The following UNC5B variants were observed in gnomAD, a reference collection of about 807,000 sequenced individuals.
The protein encoded by UNC5B is unc-5 netrin receptor B, also known as netrin receptor UNC5B.
Under a neutral mutation model 103.7 loss-of-function variants are expected in UNC5B, and 56 were observed. The observed-to-expected ratio is 0.54, with a 90% CI of 0.44 to 0.67. The LOEUF is 0.67. UNC5B is among the 30% of genes least tolerant of loss of function. The pLI is 0.00. For synonymous variants in UNC5B, 577 were observed against 542.0 expected, an observed-to-expected ratio of 1.06 and a Z score of -0.90; for missense variants, 1,194 against 1,284.5, an observed-to-expected ratio of 0.93 and a Z score of 1.08.
intron 2 of UNC5B, among the ~76,000 whole-genome samples, chr10:71,281,932 C>T (rs1844940266): frequency 6.6e-6 from 1 of 152,358 alleles, no homozygotes; most frequent in Non-Finnish European, 1.5e-5. Flanking sequence ...TCTCTGCCCA[C>T]TGAGCCCCTC....
chr10:71,249,889 C>T (rs1844134834), intron 1 of UNC5B, among the ~76,000 whole-genome samples: 1 of 152,212 alleles, frequency 6.6e-6, no homozygotes, highest in South Asian at 2.1e-4. Flanking sequence ...GCCCAGATTT[C>T]CCTCTTCCCA....
chr10:71,254,383 C>T (rs1167828535), intron 1 of UNC5B, among the ~76,000 whole-genome samples: 1 of 152,248 alleles, frequency 6.6e-6, no homozygotes, highest in African/African-American at 2.4e-5. Context: ...CCATGGGTAC[C>T]TGGCGTCCTG....
intron 1 of UNC5B, among the ~76,000 whole-genome samples, chr10:71,258,769 C>CA (rs1844349138): frequency 2.0e-5 from 3 of 152,214 alleles, no homozygotes; most frequent in Non-Finnish European, 2.9e-5. Context: ...TCACCAAGGT[C>CA]CCCACCCTGC....
intron 1 of UNC5B, among the ~76,000 whole-genome samples, chr10:71,227,707 T>TACACACACACACACACACAC (rs57747777): frequency 7.8e-6 from 1 of 128,054 alleles, no homozygotes; most frequent in Admixed American, 7.7e-5. Context: ...TACACACATA[T>TACACACACACACACACACAC]ACACACACAC....
chr10:71,234,134 G>A (rs543596064), intron 1 of UNC5B, among the ~76,000 whole-genome samples: 2 of 152,332 alleles, frequency 1.3e-5, no homozygotes, highest in South Asian at 4.1e-4. Flanking sequence ...TCATTTTATA[G>A]ATGAGGAAAT....
chr10:71,253,330 G>A (rs546197078), intron 1 of UNC5B, among the ~76,000 whole-genome samples: 2 of 152,254 alleles, frequency 1.3e-5, no homozygotes, highest in Non-Finnish European at 2.9e-5. Context: ...CCCAGGCCCA[G>A]GAGTAGACAG....
At chr10:71,249,503 T>G (rs1166331194) in intron 1 of UNC5B, among the ~76,000 whole-genome samples, 3 of 152,208 alleles carry the variant, frequency 2.0e-5, no homozygotes, top group African/African-American at 7.2e-5. Context: ...GGGCCCCTGG[T>G]TCTGTGGAAC....
At chr10:71,221,332 C>G (rs562420991) in intron 1 of UNC5B, among the ~76,000 whole-genome samples, 4 of 152,248 alleles carry the variant, frequency 2.6e-5, no homozygotes, top group South Asian at 4.1e-4. Flanking sequence ...GGTCCCCCCC[C>G]TTGTCACCCA....
chr10:71,234,524 C>T (rs1182859809), intron 1 of UNC5B, among the ~76,000 whole-genome samples: 3 of 152,214 alleles, frequency 2.0e-5, no homozygotes, highest in African/African-American at 4.8e-5. Context: ...GTATGACCTT[C>T]CTTTGGTCTG....
Position 71,298,048 on chromosome 10 carries a change from G to A in UNC5B, c.2630G>A (p.Gly877Asp). The part of the protein sequence containing the change: ...CNSLDAPNSR[G>D]NDWRMLAQKL... ...AGCCTAGATGCCCCCAACTCACGGGGCAATGACTGGCGGATGTTAGCACAG... is the reference window on the plus strand; with the variant it reads ...AGCCTAGATGCCCCCAACTCACGGGACAATGACTGGCGGATGTTAGCACAG... Residue 877 changes from glycine to aspartate, a missense_variant, in exon 16 of 17, where the codon GGC becomes GAC. By Grantham distance (94) the Gly-to-Asp change is moderately conservative (BLOSUM62 -1). Coordinates refer to ENST00000335350, the MANE Select transcript of UNC5B (RefSeq NM_170744.5). 1 of 1,613,328 alleles carries A rather than the reference G, an allele frequency of 6.2e-7. No individual in the cohort carries two copies. The highest frequency in any genetic ancestry group is 1.1e-5 in the South Asian group (1 of 90,940).
intron 2 of UNC5B, among the ~76,000 whole-genome samples, chr10:71,281,196 T>C (rs951538797): frequency 3.9e-5 from 6 of 152,214 alleles, no homozygotes; most frequent in Admixed American, 3.9e-4. Flanking sequence ...TACTCTAGAA[T>C]GTACTCGAGG....
intron 1 of UNC5B, among the ~76,000 whole-genome samples, chr10:71,242,335 G>A (rs571433278): frequency 3.9e-5 from 6 of 152,366 alleles, no homozygotes; most frequent in African/African-American, 1.2e-4. Flanking sequence ...CCAGAAAGTG[G>A]TAGTGCTCAT....
At chr10:71,224,434 A>G (rs1843521119) in intron 1 of UNC5B, among the ~76,000 whole-genome samples, 1 of 151,432 alleles carries the variant, frequency 6.6e-6, no homozygotes, top group Non-Finnish European at 1.5e-5. Context: ...CAGCAGAAAA[A>G]GCCCCAAGTT....
At chr10:71,253,896 G>C (rs1292034732) in intron 1 of UNC5B, among the ~76,000 whole-genome samples, 1 of 152,134 alleles carries the variant, frequency 6.6e-6, no homozygotes, top group Non-Finnish European at 1.5e-5. Flanking sequence ...ATCGCTGCAA[G>C]GTGGAGGGTC....
At chr10:71,249,005 G>T (rs527786362) in intron 1 of UNC5B, among the ~76,000 whole-genome samples, 19 of 152,282 alleles carry the variant, frequency 1.2e-4, no homozygotes, top group African/African-American at 4.3e-4. Context: ...ATTTGCATCT[G>T]TTGGCCAGGT....
chr10:71,261,785 G>T (rs552476417), intron 1 of UNC5B, among the ~76,000 whole-genome samples: 29 of 152,304 alleles, frequency 1.9e-4, no homozygotes, highest in Admixed American at 1.3e-3. Flanking sequence ...GTTATTTTAA[G>T]CACTGAACCT....
chr10:71,223,009 C>T (rs2132239741), intron 1 of UNC5B, among the ~76,000 whole-genome samples: 1 of 152,366 alleles, frequency 6.6e-6, no homozygotes, highest in South Asian at 2.1e-4. Flanking sequence ...CACAGCAGAG[C>T]AGAGTGACAT....
intron 1 of UNC5B, among the ~76,000 whole-genome samples, chr10:71,257,658 C>T (rs1173740793): frequency 6.6e-6 from 1 of 152,224 alleles, no homozygotes; most frequent in African/African-American, 2.4e-5. Context: ...ATGCCAGGTG[C>T]TCCTTGGAGG....
chr10:71,250,984 T>C (rs1844159195), intron 1 of UNC5B, among the ~76,000 whole-genome samples: 1 of 152,174 alleles, frequency 6.6e-6, no homozygotes, highest in African/African-American at 2.4e-5. Flanking sequence ...GAACAAACAG[T>C]GATGACTTTC....
Sources: allele counts gnomAD v4.1 joint callset (sites outside exome capture counted in the v4.1 genomes callset), GRCh38; gene constraint gnomAD v4.1.1; transcripts MANE v1.5; gene names NCBI Gene and HGNC (gene_info 2026-07-23, HGNC 2026-07-21).